The following ARID5B variants were observed in gnomAD, a reference collection of about 807,000 sequenced individuals.
ARID5B encodes the protein AT-rich interaction domain 5B.
ARID5B carries 13 observed loss-of-function variants against 97.2 expected under a neutral mutation model. That is an observed-to-expected ratio of 0.13 (90% confidence interval 0.09 to 0.21). ARID5B has a LOEUF of 0.21. Among genes scored for constraint, ARID5B ranks in the 10% least tolerant of loss-of-function variants. The pLI, the probability that ARID5B is intolerant of heterozygous loss-of-function variation, is 1.00. For missense variants in ARID5B, 1,210 were observed against 1,465.3 expected (o/e 0.83, Z 2.84); for synonymous variants, 556 against 570.3 (o/e 0.97, Z 0.36).
intron 3 of ARID5B, among the ~76,000 whole-genome samples, chr10:61,957,275 G>T (rs962396952): frequency 2.6e-5 from 4 of 151,554 alleles, no homozygotes; most frequent in African/African-American, 9.7e-5. Flanking sequence ...TTGTTTTTTT[G>T]TTGTTGTTGT....
chr10:61,934,188 G>A (rs1206676178), intron 2 of ARID5B, among the ~76,000 whole-genome samples: 3 of 152,040 alleles, frequency 2.0e-5, no homozygotes, highest in South Asian at 2.1e-4. Context: ...TTTAGCTTTC[G>A]TAGAATTGAA....
At chr10:62,046,112 G>T (rs1011396100) in intron 4 of ARID5B, among the ~76,000 whole-genome samples, 2 of 152,172 alleles carry the variant, frequency 1.3e-5, no homozygotes, top group Admixed American at 6.5e-5. Flanking sequence ...TGCAAAATGG[G>T]AAGGAAGAGT....
intron 3 of ARID5B, among the ~76,000 whole-genome samples, chr10:61,957,666 T>C: frequency 6.6e-6 from 1 of 152,388 alleles, no homozygotes; most frequent in African/African-American, 2.4e-5. Context: ...TGAAAAAGAA[T>C]ATATATCTCT....
At chr10:61,975,959 G>T (rs564417359) in intron 3 of ARID5B, among the ~76,000 whole-genome samples, 2 of 152,124 alleles carry the variant, frequency 1.3e-5, no homozygotes, top group African/African-American at 2.4e-5. Flanking sequence ...ATCACATTTT[G>T]TTTCCATGTT....
chr10:62,088,307 T>A (rs1840319745), intron 9 of ARID5B, among the ~76,000 whole-genome samples: 2 of 152,220 alleles, frequency 1.3e-5, no homozygotes, highest in African/African-American at 4.8e-5. Context: ...GATGAGTGTG[T>A]TCTATTAGCT....
chr10:61,922,732 A>G (rs1265735651), intron 2 of ARID5B, among the ~76,000 whole-genome samples: 3 of 152,208 alleles, frequency 2.0e-5, no homozygotes, highest in Non-Finnish European at 2.9e-5. Context: ...TGTGTTTCTC[A>G]TGAGTGTATC....
chr10:61,973,278 G>A (rs1052118997), intron 3 of ARID5B, among the ~76,000 whole-genome samples: 5 of 152,204 alleles, frequency 3.3e-5, no homozygotes, highest in Admixed American at 6.5e-5. Flanking sequence ...GGGAATAGAG[G>A]AACCTCATTA....
intron 2 of ARID5B, among the ~76,000 whole-genome samples, chr10:61,918,660 T>G (rs190885017): frequency 2.4e-4 from 36 of 152,338 alleles, no homozygotes; most frequent in African/African-American, 8.4e-4. Context: ...TCAACATTTT[T>G]TATCTATATC....
At chr10:62,030,106 G>T (rs114670550) in intron 4 of ARID5B, among the ~76,000 whole-genome samples, 3,744 of 152,132 alleles carry the variant, frequency 0.025, 43 homozygotes, top group African/African-American at 0.031. Context: ...CAGGAAAAAT[G>T]CAGGGTTTTT....
At chr10:62,034,373 T>C (rs1363232355) in intron 4 of ARID5B, among the ~76,000 whole-genome samples, 1 of 152,230 alleles carries the variant, frequency 6.6e-6, no homozygotes, top group African/African-American at 2.4e-5. Context: ...CTCAGTTTAA[T>C]AGCACTTGCC....
intron 2 of ARID5B, among the ~76,000 whole-genome samples, chr10:61,907,345 A>G (rs1267633147): frequency 6.6e-6 from 1 of 152,214 alleles, no homozygotes; most frequent in Non-Finnish European, 1.5e-5. Context: ...ATAGCTCCTC[A>G]GTCTTGGTCT....
At chr10:62,027,611 A>G (rs1839439488) in intron 4 of ARID5B, among the ~76,000 whole-genome samples, 1 of 151,726 alleles carries the variant, frequency 6.6e-6, no homozygotes, top group African/African-American at 2.4e-5. Flanking sequence ...TCGCCACCTC[A>G]CAGTATCTCT....
At chr10:62,039,735 C>T (rs1839610976) in intron 4 of ARID5B, among the ~76,000 whole-genome samples, 1 of 152,236 alleles carries the variant, frequency 6.6e-6, no homozygotes, top group African/African-American at 2.4e-5. Context: ...TGTTTCTCCT[C>T]CCTGCCCCCA....
intron 3 of ARID5B, among the ~76,000 whole-genome samples, chr10:61,962,538 C>T (rs534125845): frequency 3.9e-4 from 59 of 152,332 alleles, no homozygotes; most frequent in African/African-American, 1.3e-3. Context: ...ATTTGCCAGA[C>T]AATCTAATTC....
At chr10:61,932,149 G>A (rs10821932) in intron 2 of ARID5B, among the ~76,000 whole-genome samples, 30,770 of 152,080 alleles carry the variant, frequency 0.2, 3,354 homozygotes, top group South Asian at 0.31. Flanking sequence ...GTTTCCTAGC[G>A]CGTATAAAAG....
intron 4 of ARID5B, among the ~76,000 whole-genome samples, chr10:62,016,941 T>G (rs1250915421): frequency 6.6e-6 from 1 of 152,218 alleles, no homozygotes; most frequent in Non-Finnish European, 1.5e-5. Context: ...GGGAGGCTTC[T>G]CAGATGTTGC....
chr10:61,955,619 C>G (rs1028327060), intron 3 of ARID5B, among the ~76,000 whole-genome samples: 1 of 152,110 alleles, frequency 6.6e-6, no homozygotes, highest in African/African-American at 2.4e-5. Context: ...TACTTACTAT[C>G]TCTTCAATGC....
intron 4 of ARID5B, chr10:62,049,320 A>C (rs1839753731): frequency 6.7e-7 from 1 of 1,492,982 alleles, no homozygotes; most frequent in Middle Eastern, 2.1e-4. Context: ...CTGCCGGGGG[A>C]GGGGAGTTGT....
At chr10:61,960,282 C>G (rs1589235830) in intron 3 of ARID5B, among the ~76,000 whole-genome samples, 1 of 152,276 alleles carries the variant, frequency 6.6e-6, no homozygotes, top group East Asian at 1.9e-4. Context: ...GTTACTTTCT[C>G]TTTAGAAAGC....
Sources: gnomAD v4.1 joint callset for allele counts (sites outside exome capture counted in the v4.1 genomes callset) on GRCh38, gnomAD v4.1.1 for gene constraint, MANE v1.5 for transcripts, NCBI Gene and HGNC (gene_info 2026-07-23, HGNC 2026-07-21) for gene names.